Variants in TMCC1 observed in about 807,000 individuals in gnomAD.
TMCC1 encodes the protein transmembrane and coiled-coil domains protein 1.
A neutral mutation model predicts 52.4 loss-of-function variants in TMCC1; 15 were observed. That is an observed-to-expected ratio of 0.29 (90% CI 0.19 to 0.44). The LOEUF is 0.44. TMCC1 is among the 20% of genes least tolerant of loss of function. The probability of loss-of-function intolerance (pLI) is 1.00; values close to 1 mark genes in which losing one functional copy is unlikely to be tolerated. For missense variants in TMCC1, 503 were observed against 806.0 expected, an observed-to-expected ratio of 0.62 and a Z score of 4.55; for synonymous variants, 279 against 301.9, an observed-to-expected ratio of 0.92 and a Z score of 0.79.
At chr3:129,685,061 G>A (rs1338263926) in intron 4 of TMCC1, among the ~76,000 whole-genome samples, 1 of 152,116 alleles carries the variant, frequency 6.6e-6, no homozygotes, top group Admixed American at 6.6e-5. Flanking sequence ...TTTGAACACA[G>A]GAGGGAAGCA....
At chr3:129,688,459 T>C (rs1295587254) in intron 4 of TMCC1, 11 of 985,422 alleles carry the variant, frequency 1.1e-5, no homozygotes, top group Non-Finnish European at 1.3e-5. Flanking sequence ...TTCTAGTGGA[T>C]CCCTGGGCTT....
chr3:129,733,210 G>A (rs2050683407), intron 4 of TMCC1, among the ~76,000 whole-genome samples: 1 of 152,170 alleles, frequency 6.6e-6, no homozygotes, highest in Non-Finnish European at 1.5e-5. Context: ...AAGTTCTGAG[G>A]TGAACTGTTA....
chr3:129,744,480 C>T (rs893952213), intron 4 of TMCC1, among the ~76,000 whole-genome samples: 1 of 151,956 alleles, frequency 6.6e-6, no homozygotes, highest in Non-Finnish European at 1.5e-5. Context: ...GAGATGAGGT[C>T]TTGCTATGTT....
At chr3:129,805,155 A>T (rs1306332233) in intron 4 of TMCC1, among the ~76,000 whole-genome samples, 1 of 151,130 alleles carries the variant, frequency 6.6e-6, no homozygotes, top group Non-Finnish European at 1.5e-5. Flanking sequence ...TCACCTTTTT[A>T]TTTATTTATT....
intron 4 of TMCC1, among the ~76,000 whole-genome samples, chr3:129,720,181 CAAAAA>C (rs765678095): frequency 3.4e-5 from 2 of 58,690 alleles, no homozygotes. Context: ...GACCCTGTCT[CAAAAA>C]AAAAAAAAAA....
chr3:129,862,661 A>ATATC (rs1477528210), intron 2 of TMCC1, among the ~76,000 whole-genome samples: 1 of 152,214 alleles, frequency 6.6e-6, no homozygotes, highest in African/African-American at 2.4e-5. Context: ...CCACAGGGTC[A>ATATC]CACACAGCAC....
At chr3:129,682,193 G>A (rs1334701162) in intron 4 of TMCC1, among the ~76,000 whole-genome samples, 2 of 151,996 alleles carry the variant, frequency 1.3e-5, no homozygotes, top group East Asian at 1.9e-4. Flanking sequence ...ATTCATGGGC[G>A]TGATCATTGT....
At chr3:129,682,039 C>T (rs2089036903) in intron 4 of TMCC1, among the ~76,000 whole-genome samples, 1 of 151,938 alleles carries the variant, frequency 6.6e-6, no homozygotes, top group Admixed American at 6.6e-5. Context: ...ATAAAATATC[C>T]TCATATTAAA....
At chr3:129,698,222 T>C (rs1354358706) in intron 4 of TMCC1, among the ~76,000 whole-genome samples, 24 of 152,054 alleles carry the variant, frequency 1.6e-4, no homozygotes, top group Admixed American at 1.6e-3. Context: ...CTCACAATCA[T>C]GGTGGAAGGC....
chr3:129,811,544 G>A (rs985318895), intron 4 of TMCC1, among the ~76,000 whole-genome samples: 19 of 152,064 alleles, frequency 1.2e-4, no homozygotes, highest in African/African-American at 2.4e-5. Flanking sequence ...CTGGGATTAG[G>A]GGCATGAGCC....
intron 4 of TMCC1, among the ~76,000 whole-genome samples, chr3:129,803,894 A>T (rs2057324282): frequency 6.6e-6 from 1 of 152,202 alleles, no homozygotes; most frequent in Non-Finnish European, 1.5e-5. Flanking sequence ...CATACTTAGC[A>T]TCTTAAAAAG....
intron 4 of TMCC1, among the ~76,000 whole-genome samples, chr3:129,725,548 T>C (rs2050007310): frequency 2.0e-5 from 3 of 151,858 alleles, no homozygotes; most frequent in Admixed American, 2.0e-4. Flanking sequence ...AAAAAGAAAA[T>C]AGAAAAAAAT....
intron 2 of TMCC1, among the ~76,000 whole-genome samples, chr3:129,843,111 C>A (rs2059496809): frequency 6.6e-6 from 1 of 152,126 alleles, no homozygotes; most frequent in Non-Finnish European, 1.5e-5. Flanking sequence ...CTTTGGGAGG[C>A]TGAGGTGGGC....
intron 4 of TMCC1, among the ~76,000 whole-genome samples, chr3:129,764,775 ATATATATATATATATTT>A (rs2053955013): frequency 1.5e-5 from 1 of 68,168 alleles, no homozygotes; most frequent in African/African-American, 6.8e-5. Context: ...ATATATATAT[ATATATATATATATATTT>A]TTTTTTTTTT....
At chr3:129,654,892 T>G in intron 6 of TMCC1, 76 bp downstream of exon 6, 2 of 1,552,916 alleles carry the variant, frequency 1.3e-6, no homozygotes, top group Non-Finnish European at 1.7e-6. Flanking sequence ...TTCTCATCTT[T>G]TTTCCTTCCG....
chr3:129,697,207 A>AATG (rs747477195), intron 4 of TMCC1, among the ~76,000 whole-genome samples: 6 of 152,164 alleles, frequency 3.9e-5, no homozygotes, highest in Non-Finnish European at 5.9e-5. Flanking sequence ...GCGTTTCCAT[A>AATG]CATCCTTTGA....
At chr3:129,689,160 G>A (rs866805134) in intron 4 of TMCC1, among the ~76,000 whole-genome samples, 9 of 152,260 alleles carry the variant, frequency 5.9e-5, no homozygotes, top group Middle Eastern at 3.4e-3. Flanking sequence ...CTCTAAAATC[G>A]TATTCACTAT....
intron 4 of TMCC1, among the ~76,000 whole-genome samples, chr3:129,766,165 C>T (rs1020919477): frequency 2.0e-5 from 3 of 152,192 alleles, no homozygotes; most frequent in Non-Finnish European, 4.4e-5. Context: ...TCTTTCCTAA[C>T]TTGTGTGTAA....
intron 4 of TMCC1, among the ~76,000 whole-genome samples, chr3:129,726,188 C>T (rs1576595299): frequency 6.6e-6 from 1 of 152,158 alleles, no homozygotes; most frequent in Non-Finnish European, 1.5e-5. Flanking sequence ...TTTTGCAGCT[C>T]TAAATTACTA....
Sources: allele counts gnomAD v4.1 joint callset (sites outside exome capture counted in the v4.1 genomes callset), GRCh38; gene constraint gnomAD v4.1.1; transcripts MANE v1.5; gene names NCBI Gene and HGNC (gene_info 2026-07-23, HGNC 2026-07-21).